Variants in FGF12 observed in about 807,000 individuals in gnomAD.
FGF12 encodes fibroblast growth factor 12B.
A neutral mutation model predicts 23.6 loss-of-function variants in FGF12; 14 were observed. The observed-to-expected ratio is 0.59, with a 90% CI of 0.39 to 0.93. The LOEUF (loss-of-function observed/expected upper bound fraction) is 0.93, where lower values mean the gene tolerates loss of function less well. Among genes scored for constraint, FGF12 ranks in the 40% least tolerant of loss-of-function variants. FGF12 has a pLI of 0.00. For missense variants in FGF12, 175 were observed against 217.8 expected, an observed-to-expected ratio of 0.80 and a Z score of 1.24; for synonymous variants, 62 against 77.3, an observed-to-expected ratio of 0.80 and a Z score of 1.04.
chr3:192,531,437 A>G (rs1331910167), intron 2 of FGF12, among the ~76,000 whole-genome samples: 1 of 152,216 alleles, frequency 6.6e-6, no homozygotes, highest in Non-Finnish European at 1.5e-5. Flanking sequence ...AAAAGAAAGA[A>G]AGAAAAGGAA....
chr3:192,629,914 T>C (rs1715319981), intron 2 of FGF12, among the ~76,000 whole-genome samples: 1 of 152,090 alleles, frequency 6.6e-6, no homozygotes, highest in Non-Finnish European at 1.5e-5. Flanking sequence ...AGGTAATCCT[T>C]ATTAGCAACT....
intron 2 of FGF12, among the ~76,000 whole-genome samples, chr3:192,694,638 A>T (rs960081240): frequency 1.1e-4 from 16 of 152,028 alleles, no homozygotes; most frequent in Admixed American, 3.9e-4. Context: ...ACGTATACGT[A>T]CATATATATA....
chr3:192,430,504 T>C (rs1221704990), intron 2 of FGF12, among the ~76,000 whole-genome samples: 1 of 152,230 alleles, frequency 6.6e-6, no homozygotes, highest in Non-Finnish European at 1.5e-5. Context: ...AAAGTTTATC[T>C]GTTTTATCTC....
intron 2 of FGF12, among the ~76,000 whole-genome samples, chr3:192,530,304 T>C (rs775121862): frequency 7.9e-5 from 12 of 152,168 alleles, no homozygotes; most frequent in Admixed American, 2.0e-4. Context: ...ATGTGTACAA[T>C]AGAGTGAGTA....
rs569559706 is a variant in FGF12, at chr3:192,591,003, T to C, written c.13+136178A>G. Among the ~76,000 whole-genome samples, 19 of 151,758 alleles carry C rather than the reference T, an allele frequency of 1.3e-4. No homozygotes were observed. The East Asian group carries it at 3.3e-3, about 26-fold the overall frequency. ...CTTTCTAACAAAACACCAAACTGTC[T>C]GTCTCCTCAAGGGGCCTTGCCTTCC... On this transcript the variant is annotated intron_variant, in intron 2 of 5. Coordinates refer to ENST00000445105, the MANE Select transcript of FGF12 (RefSeq NM_004113.6).
intron 2 of FGF12, among the ~76,000 whole-genome samples, chr3:192,681,228 C>T (rs1026791235): frequency 1.3e-5 from 2 of 152,084 alleles, no homozygotes; most frequent in African/African-American, 2.4e-5. Context: ...ACAGCAGAAC[C>T]AAAGGGATAT....
intron 4 of FGF12, among the ~76,000 whole-genome samples, chr3:192,178,711 G>A (rs539562899): frequency 6.6e-6 from 1 of 152,138 alleles, no homozygotes; most frequent in South Asian, 2.1e-4. Context: ...TTGGCCAGAC[G>A]GGTCTCTAAC....
rs879929900 is a variant in FGF12, at chr3:192,172,398, C to CA, written c.229-1743dup. 4.5e-4 allele frequency among the ~76,000 whole-genome samples: 67 copies of CA among 148,208 alleles called. 3 individuals are homozygous for CA. Among genetic ancestry groups the CA allele is most frequent in the Non-Finnish European group, 2.2e-4 (15 of 67,052 alleles). On this transcript the variant is annotated intron_variant, in intron 4 of 5. Transcript: ENST00000445105. ...GTGAAATGGATCTCAACCCCCCCTT[C>CA]AAAAAAAAGTCCAAGAAAACACCCC...
chr3:192,190,621 G>A lies in FGF12; in HGVS notation c.229-19965C>T, dbSNP rs550554539. Among the ~76,000 whole-genome samples the A allele has an allele frequency of 7.9e-3, 1,203 of 151,704 alleles. 15 individuals carry two copies. Among genetic ancestry groups the A allele is most frequent in the African/African-American group, 0.027 (1,136 of 41,362 alleles). ...CTCCCGAGTAGCTGGGACTACAGGT[G>A]CCCGCCACCGCGCCCGGCTAATTTT... On this transcript the variant is annotated intron_variant, in intron 4 of 5. Coordinates refer to ENST00000445105, the MANE Select transcript of FGF12 (RefSeq NM_004113.6).
At chr3:192,607,597 G>A (rs1273521486) in intron 2 of FGF12, among the ~76,000 whole-genome samples, 1 of 152,122 alleles carries the variant, frequency 6.6e-6, no homozygotes, top group Admixed American at 6.6e-5. Context: ...AAATATGTCA[G>A]TTCCTTTGTT....
intron 2 of FGF12, among the ~76,000 whole-genome samples, chr3:192,604,679 C>A (rs757937235): frequency 6.6e-6 from 1 of 152,152 alleles, no homozygotes; most frequent in African/African-American, 2.4e-5. Flanking sequence ...CTACAAATGT[C>A]ATTTTTTACA....
chr3:192,658,852 C>T (rs773925833), intron 2 of FGF12, among the ~76,000 whole-genome samples: 1 of 151,986 alleles, frequency 6.6e-6, no homozygotes, highest in African/African-American at 2.4e-5. Flanking sequence ...TCCATTTGTT[C>T]TAAAAAACAA....
intron 2 of FGF12, among the ~76,000 whole-genome samples, chr3:192,702,931 C>A (rs992467089): frequency 6.6e-6 from 1 of 152,160 alleles, no homozygotes; most frequent in Non-Finnish European, 1.5e-5. Context: ...TTAGTATTTT[C>A]TCTACATTGC....
chr3:192,394,482 T>G (rs1043737865), intron 2 of FGF12, among the ~76,000 whole-genome samples: 3 of 152,230 alleles, frequency 2.0e-5, no homozygotes, highest in African/African-American at 7.2e-5. Context: ...GACATACAGA[T>G]ATCTTGGAAT....
intron 4 of FGF12, among the ~76,000 whole-genome samples, chr3:192,229,588 C>T (rs1372815989): frequency 1.3e-5 from 2 of 151,954 alleles, no homozygotes; most frequent in South Asian, 2.1e-4. Flanking sequence ...TTAAGTGATA[C>T]AATACAACAT....
rs1162048365 is a variant in FGF12 at position 192,143,866 on chromosome 3, T to A, written c.*143A>T. ...TTTCTTGTCCTACACAAAGGAAGAT[T>A]TTGAGTGCAGAATCTTAGCCACTAG... is the stretch of plus-strand genomic sequence containing the variant. On this transcript the variant is annotated 3_prime_UTR_variant, in exon 6 of 6. Transcript: ENST00000445105. 1 of 586,356 alleles carries A rather than the reference T, an allele frequency of 1.7e-6. No homozygotes were observed. Among genetic ancestry groups the A allele is most frequent in the Admixed American group, 3.2e-5 (1 of 30,774 alleles). The allele number at this position is 586,356 out of a possible 1,614,324, so 36.3% of individuals were successfully genotyped here. A position where few individuals can be genotyped will look rare whatever the true frequency, so the allele number is the denominator to read the frequency against.
At chr3:192,679,244 G>A (rs1717434265) in intron 2 of FGF12, among the ~76,000 whole-genome samples, 1 of 152,176 alleles carries the variant, frequency 6.6e-6, no homozygotes, top group African/African-American at 2.4e-5. Flanking sequence ...GGCACAGGAA[G>A]ATAGGCAGAA....
intron 2 of FGF12, among the ~76,000 whole-genome samples, chr3:192,578,083 G>A (rs1445275872): frequency 6.6e-6 from 1 of 152,086 alleles, no homozygotes; most frequent in Non-Finnish European, 1.5e-5. Context: ...AGATAATCGT[G>A]TTCTCTATGG....
At chr3:192,241,081 T>C (rs1719592636) in intron 4 of FGF12, among the ~76,000 whole-genome samples, 1 of 152,184 alleles carries the variant, frequency 6.6e-6, no homozygotes. Context: ...AGTGTTCAAG[T>C]ACAAATACAA....
Sources: allele counts gnomAD v4.1 joint callset (sites outside exome capture counted in the v4.1 genomes callset), GRCh38; gene constraint gnomAD v4.1.1; transcripts MANE v1.5; gene names NCBI Gene and HGNC (gene_info 2026-07-23, HGNC 2026-07-21).